The following CNGB3 variants were observed in gnomAD, a reference collection of about 807,000 sequenced individuals.
The protein encoded by CNGB3 is cyclic nucleotide gated channel subunit beta 3.
A neutral mutation model predicts 92.8 loss-of-function variants in CNGB3; 86 were observed. The observed-to-expected ratio is 0.93, with a 90% CI of 0.78 to 1.11. The LOEUF is 1.11. Ranked by LOEUF, CNGB3 falls within the 50% of genes least tolerant of loss-of-function variation. The pLI, the probability that CNGB3 is intolerant of heterozygous loss-of-function variation, is 0.00. For missense variants in CNGB3, 1,026 were observed against 956.8 expected, an observed-to-expected ratio of 1.07 and a Z score of -0.95; for synonymous variants, 333 against 332.7, an observed-to-expected ratio of 1.00 and a Z score of -0.01.
chr8:86,681,694 A>C (rs906859457), intron 3 of CNGB3, among the ~76,000 whole-genome samples: 1 of 152,202 alleles, frequency 6.6e-6, no homozygotes, highest in African/African-American at 2.4e-5. Context: ...TAAAATTAAA[A>C]AGAAAAATTC....
At chr8:86,637,199 T>A (rs1823088878) in intron 10 of CNGB3, among the ~76,000 whole-genome samples, 1 of 152,178 alleles carries the variant, frequency 6.6e-6, no homozygotes, top group African/African-American at 2.4e-5. Context: ...GTTTTCCCAG[T>A]ACAATTTATT....
chr8:86,700,235 A>G (rs1422466636), intron 3 of CNGB3, among the ~76,000 whole-genome samples: 1 of 151,990 alleles, frequency 6.6e-6, no homozygotes, highest in East Asian at 1.9e-4. Context: ...TTTCCTTTCT[A>G]TTTGTCAGTG....
At chr8:86,683,749 T>G (rs1406258323) in intron 3 of CNGB3, among the ~76,000 whole-genome samples, 2 of 152,108 alleles carry the variant, frequency 1.3e-5, no homozygotes, top group Non-Finnish European at 2.9e-5. Context: ...AAAGATAGCC[T>G]TTTCAACAAA....
chr8:86,641,911 TG>T, intron 10 of CNGB3, among the ~76,000 whole-genome samples: 1 of 152,030 alleles, frequency 6.6e-6, no homozygotes, highest in East Asian at 1.9e-4. Flanking sequence ...CTTGGCTACC[TG>T]GGCTATGATG....
chr8:86,591,302 A>G (rs1000524199), intron 15 of CNGB3, among the ~76,000 whole-genome samples: 8 of 105,666 alleles, frequency 7.6e-5, no homozygotes, highest in African/African-American at 2.9e-4. Flanking sequence ...CCCGTAGCTC[A>G]GAGTAATTTG....
At chr8:86,612,449 C>T (rs1480348047) in intron 13 of CNGB3, among the ~76,000 whole-genome samples, 4 of 152,168 alleles carry the variant, frequency 2.6e-5, no homozygotes, top group African/African-American at 9.7e-5. Flanking sequence ...CAGCTTTCCT[C>T]TTGTGGGTGG....
intron 3 of CNGB3, among the ~76,000 whole-genome samples, chr8:86,708,281 G>A (rs1824685526): frequency 6.6e-6 from 1 of 152,118 alleles, no homozygotes. Context: ...ATTAATGAAC[G>A]GTGAGGAAGA....
At chr8:86,739,918 A>C (rs144641006) in intron 1 of CNGB3, among the ~76,000 whole-genome samples, 182 bp from the exon 2 acceptor site, 1 of 152,320 alleles carries the variant, frequency 6.6e-6, no homozygotes, top group South Asian at 2.1e-4. Context: ...TGAATAATCA[A>C]CCTCAGCCTC....
chr8:86,644,466 A>C (rs1265711069), intron 9 of CNGB3, among the ~76,000 whole-genome samples, 156 bp downstream of exon 9: 3 of 151,298 alleles, frequency 2.0e-5, no homozygotes, highest in African/African-American at 7.3e-5. Flanking sequence ...TAAAATATCC[A>C]CATCTGTTCT....
rs1169739854 is a variant in CNGB3, at chr8:86,574,765, C to T, written c.*1039G>A. The T allele has an allele frequency of 1.3e-5, 2 of 152,150 alleles. No homozygotes were observed. The highest frequency in any genetic ancestry group is 2.9e-5 in the Non-Finnish European group (2 of 68,022). 9.4% of individuals were successfully genotyped at this position (152,150 alleles called of 1,614,324 possible). ...TTTGTAGCCTCCTCACAGCATGCAA[C>T]GTCGGTAATTATGCTAATGCTAGCT... On this transcript the variant is annotated 3_prime_UTR_variant, in exon 18 of 18. Transcript: ENST00000320005.
At position 86,663,370 on chromosome 8, in the gene CNGB3, G is replaced by A. The variant is rs1823682394; in HGVS notation, c.852+3555C>T. Among the ~76,000 whole-genome samples the A allele has an allele frequency of 2.0e-5, 3 of 152,274 alleles. No homozygotes were observed. In the South Asian group the frequency reaches 6.2e-4, roughly 32 times the overall value. On this transcript the variant is annotated intron_variant, in intron 6 of 17. Coordinates refer to ENST00000320005, the MANE Select transcript of CNGB3 (RefSeq NM_019098.5). ...ATTACATACAAGAGACTTTTTGTTTGACTGCGTTTCAAAATTCTGTTATCT... is the reference window on the plus strand; with the variant it reads ...ATTACATACAAGAGACTTTTTGTTTAACTGCGTTTCAAAATTCTGTTATCT...
At chr8:86,608,983 C>G (rs1356562335) in intron 14 of CNGB3, among the ~76,000 whole-genome samples, 2 of 152,204 alleles carry the variant, frequency 1.3e-5, no homozygotes, top group Non-Finnish European at 2.9e-5. Flanking sequence ...TTTCTACACT[C>G]TCTCATCGCC....
chr8:86,644,724 G>T (rs756953486), intron 8 of CNGB3, 38 bp from the exon 9 acceptor site: 1 of 1,303,104 alleles, frequency 7.7e-7, no homozygotes, highest in African/African-American at 1.5e-5. Flanking sequence ...AAGCATGTTA[G>T]TCTTAAATAT....
At chr8:86,711,593 C>T (rs1319630890) in intron 3 of CNGB3, among the ~76,000 whole-genome samples, 5 of 151,998 alleles carry the variant, frequency 3.3e-5, no homozygotes, top group African/African-American at 9.7e-5. Context: ...TTTGATAGGA[C>T]CACAAACTGC....
At chr8:86,741,389 C>T (rs1411113982) in intron 1 of CNGB3, among the ~76,000 whole-genome samples, 1 of 152,072 alleles carries the variant, frequency 6.6e-6, no homozygotes, top group Non-Finnish European at 1.5e-5. Flanking sequence ...TGTGGCTGAG[C>T]ACAGTGGCTC....
intron 15 of CNGB3, among the ~76,000 whole-genome samples, chr8:86,597,313 G>C (rs1156957613): frequency 6.6e-6 from 1 of 152,148 alleles, no homozygotes; most frequent in East Asian, 1.9e-4. Flanking sequence ...GTGAGAACTG[G>C]GTTCCTGCCC....
intron 7 of CNGB3, among the ~76,000 whole-genome samples, chr8:86,649,658 T>C (rs989755137): frequency 2.6e-5 from 4 of 151,528 alleles, no homozygotes; most frequent in African/African-American, 7.3e-5. Context: ...TCAAGATAAA[T>C]CAAAGACTTA....
chr8:86,597,704 G>C (rs1822202821), intron 15 of CNGB3, among the ~76,000 whole-genome samples: 1 of 152,166 alleles, frequency 6.6e-6, no homozygotes, highest in South Asian at 2.1e-4. Flanking sequence ...AGGATGGTTA[G>C]GCGCAGTGGC....
At position 86,679,590 on chromosome 8, in the gene CNGB3, A is replaced by G. The variant is rs929462038; in HGVS notation, c.339-8492T>C. ...ACCCAGGCTGGAGTGCAGTGGCACA[A>G]TCTTGGCTCACTGCAACCTTTGCCT... is the stretch of plus-strand genomic sequence containing the variant. On this transcript the variant is annotated intron_variant, in intron 3 of 17. Transcript: ENST00000320005. Among the ~76,000 whole-genome samples, 6 of 151,980 alleles carry G rather than the reference A, an allele frequency of 3.9e-5. No individual in the cohort carries two copies. In the South Asian group the frequency reaches 1.0e-3, roughly 26 times the overall value.
Sources: gnomAD v4.1 joint callset for allele counts (sites outside exome capture counted in the v4.1 genomes callset) on GRCh38, gnomAD v4.1.1 for gene constraint, MANE v1.5 for transcripts, NCBI Gene and HGNC (gene_info 2026-07-23, HGNC 2026-07-21) for gene names.